The following ASIC2 variants were observed in gnomAD, a reference collection of about 807,000 sequenced individuals.
The protein encoded by ASIC2 is acid-sensing ion channel 2.
Under a neutral mutation model 57.3 loss-of-function variants are expected in ASIC2, and 25 were observed. The observed-to-expected ratio is 0.44, with a 90% CI of 0.32 to 0.61. The LOEUF (loss-of-function observed/expected upper bound fraction) is 0.61, where lower values mean the gene tolerates loss of function less well. Ranked by LOEUF, ASIC2 falls within the 20% of genes least tolerant of loss-of-function variation. The pLI, the probability that ASIC2 is intolerant of heterozygous loss-of-function variation, is 0.06. For synonymous variants in ASIC2, 319 were observed against 307.5 expected (o/e 1.04, Z -0.39); for missense variants, 641 against 738.1 (o/e 0.87, Z 1.52).
At chr17:34,146,406 C>A (rs1336320709) in intron 1 of ASIC2, among the ~76,000 whole-genome samples, 1 of 152,148 alleles carries the variant, frequency 6.6e-6, no homozygotes, top group Non-Finnish European at 1.5e-5. Flanking sequence ...CCTGAGATGG[C>A]ACACCTTCTA....
At chr17:33,758,161 T>C (rs1466594595) in intron 1 of ASIC2, among the ~76,000 whole-genome samples, 1 of 152,148 alleles carries the variant, frequency 6.6e-6, no homozygotes, top group Non-Finnish European at 1.5e-5. Flanking sequence ...AAATTCATCC[T>C]TTTCTTAAAT....
At chr17:33,683,736 T>A (rs1439060190) in intron 1 of ASIC2, among the ~76,000 whole-genome samples, 1 of 152,082 alleles carries the variant, frequency 6.6e-6, no homozygotes, top group Non-Finnish European at 1.5e-5. Context: ...GAGACAGGGG[T>A]CTTGCTATGT....
chr17:33,238,013 G>A (rs1485872170), intron 1 of ASIC2, among the ~76,000 whole-genome samples: 2 of 152,166 alleles, frequency 1.3e-5, no homozygotes, highest in East Asian at 3.9e-4. Context: ...TTTTACAAAC[G>A]ACGAAACAGG....
chr17:33,134,062 C>A (rs186487725), intron 1 of ASIC2, among the ~76,000 whole-genome samples: 2 of 152,246 alleles, frequency 1.3e-5, no homozygotes, highest in Admixed American at 1.3e-4. Flanking sequence ...TCCTACATGC[C>A]CAGCACTGAG....
intron 1 of ASIC2, among the ~76,000 whole-genome samples, chr17:34,141,206 A>G (rs891275672): frequency 6.6e-6 from 1 of 152,078 alleles, no homozygotes; most frequent in Non-Finnish European, 1.5e-5. Flanking sequence ...AAACAGAAAC[A>G]TTGTAAGAAT....
At chr17:33,876,755 T>C (rs1328402999) in intron 1 of ASIC2, among the ~76,000 whole-genome samples, 1 of 152,216 alleles carries the variant, frequency 6.6e-6, no homozygotes, top group Non-Finnish European at 1.5e-5. Context: ...ACAAGTGGAC[T>C]GTGGTATCTA....
At chr17:33,643,283 G>A (rs1906641340) in intron 1 of ASIC2, among the ~76,000 whole-genome samples, 1 of 152,212 alleles carries the variant, frequency 6.6e-6, no homozygotes, top group South Asian at 2.1e-4. Context: ...TGATGACTGT[G>A]ATTCAGTGAA....
chr17:34,100,182 T>A (rs537010344), intron 1 of ASIC2, among the ~76,000 whole-genome samples: 4 of 43,878 alleles, frequency 9.1e-5, no homozygotes, highest in Admixed American at 7.6e-4. Context: ...CCTCTCTTTC[T>A]TGTTTTTTTT....
chr17:34,155,739 C>CA (rs920799723), intron 1 of ASIC2: 4 of 513,020 alleles, frequency 7.8e-6, no homozygotes, highest in African/African-American at 5.8e-5. Flanking sequence ...AGTGATCCCC[C>CA]ACCGCAAGCC....
chr17:33,974,741 T>A (rs1478577355), intron 1 of ASIC2, among the ~76,000 whole-genome samples: 1 of 152,008 alleles, frequency 6.6e-6, no homozygotes, highest in Admixed American at 6.6e-5. Context: ...ACACCTATTT[T>A]AGCCTTAGTT....
rs763737130 is a variant in ASIC2, at chr17:34,099,792, AAG to A, written c.555+56184_555+56185del. ...AAAGAAAGAAAGAAAGAAAGAAAGA[AAG>A]AAAGAAAGAAAAGAGAATCTCATAG... On this transcript the variant is annotated intron_variant, in intron 1 of 9. Coordinates refer to the ASIC2 transcript ENST00000359872. Among the ~76,000 whole-genome samples the A allele has an allele frequency of 4.2e-5, 4 of 95,372 alleles. No homozygotes were observed. The South Asian group carries it at 9.9e-4, about 24-fold the overall frequency. The allele number at this position is 95,372 out of a possible 152,430, so 62.6% of individuals were successfully genotyped here. A position where few individuals can be genotyped will look rare whatever the true frequency, so the allele number is the denominator to read the frequency against.
At chr17:33,188,067 TTA>T (rs1169559780) in intron 1 of ASIC2, among the ~76,000 whole-genome samples, 1 of 152,112 alleles carries the variant, frequency 6.6e-6, no homozygotes, top group Non-Finnish European at 1.5e-5. Flanking sequence ...TAATCATATA[TTA>T]TTTGCTCAAG....
chr17:34,099,694 G>C (rs1910758313), intron 1 of ASIC2, among the ~76,000 whole-genome samples: 1 of 130,062 alleles, frequency 7.7e-6, no homozygotes, highest in African/African-American at 2.9e-5. Context: ...AGAAAGAGAA[G>C]AAAGAAAGGA....
chr17:34,096,222 G>T (rs1473204711), intron 1 of ASIC2, among the ~76,000 whole-genome samples: 1 of 152,154 alleles, frequency 6.6e-6, no homozygotes, highest in Non-Finnish European at 1.5e-5. Context: ...CTCAGAGGAA[G>T]TGATTTCTAA....
rs1333404411 is a variant in ASIC2, at chr17:33,088,844, G to T, written c.987+19C>A. The T allele has an allele frequency of 6.2e-7, 1 of 1,600,428 alleles. No homozygotes were observed. Among genetic ancestry groups the T allele is most frequent in the Admixed American group, 1.7e-5 (1 of 58,228 alleles). On this transcript the variant is annotated intron_variant, in intron 3 of 9. Coordinates refer to ENST00000225823, the MANE Select transcript of ASIC2 (RefSeq NM_183377.2). ...GGGGAGGCTGAGGACCATCAATCCT[G>T]GGAGCCCAGGGAACTTACCCTCTGC... is the stretch of plus-strand genomic sequence containing the variant.
Position 33,604,112 on chromosome 17 carries a change from C to T in ASIC2, c.556-492045G>A, listed in dbSNP as rs1018085981. Among the ~76,000 whole-genome samples the T allele has an allele frequency of 4.6e-5, 7 of 152,268 alleles. No individual in the cohort carries two copies. In the East Asian group the frequency reaches 7.7e-4, roughly 17 times the overall value. On this transcript the variant is annotated intron_variant, in intron 1 of 9. Coordinates refer to the ASIC2 transcript ENST00000359872. ...TGCTGCAGGCTGAAAGGGAGCCTGG[C>T]CCTGGAGGCTGTGTCAAGGAAATGG... is the stretch of plus-strand genomic sequence containing the variant.
chr17:33,313,535 T>C (rs550656423), intron 1 of ASIC2, among the ~76,000 whole-genome samples: 1 of 150,418 alleles, frequency 6.6e-6, no homozygotes, highest in African/African-American at 2.4e-5. Flanking sequence ...TAAATGTTTG[T>C]CTTTTTCATC....
At chr17:33,039,668 C>T (rs549718463) in intron 3 of ASIC2, among the ~76,000 whole-genome samples, 3 of 152,254 alleles carry the variant, frequency 2.0e-5, no homozygotes, top group Non-Finnish European at 4.4e-5. Context: ...AAATGCAGCC[C>T]CTTGTTAAGT....
intron 1 of ASIC2, among the ~76,000 whole-genome samples, chr17:34,041,726 A>G (rs1003278970): frequency 1.3e-5 from 2 of 152,228 alleles, no homozygotes; most frequent in African/African-American, 4.8e-5. Flanking sequence ...AAAGAAACAA[A>G]GACTTTTAAT....
Sources: allele counts gnomAD v4.1 joint callset (sites outside exome capture counted in the v4.1 genomes callset), GRCh38; gene constraint gnomAD v4.1.1; transcripts MANE v1.5; gene names NCBI Gene and HGNC (gene_info 2026-07-23, HGNC 2026-07-21).